The following ATR variants were observed in gnomAD, a reference collection of about 807,000 sequenced individuals.
The protein encoded by ATR is ATR checkpoint kinase.
ATR carries 142 observed loss-of-function variants against 305.3 expected under a neutral mutation model. The observed-to-expected ratio is 0.47, with a 90% CI of 0.41 to 0.53. ATR has a LOEUF of 0.53. ATR is among the 20% of genes least tolerant of loss of function. The pLI, the probability that ATR is intolerant of heterozygous loss-of-function variation, is 0.00. For missense variants in ATR, 2,135 were observed against 3,133.1 expected (o/e 0.68, Z 7.60); for synonymous variants, 1,050 against 1,068.1 (o/e 0.98, Z 0.33).
intron 36 of ATR, among the ~76,000 whole-genome samples, chr3:142,475,457 A>G (rs1577526142): frequency 6.6e-6 from 1 of 152,162 alleles, no homozygotes; most frequent in African/African-American, 2.4e-5. Flanking sequence ...ATAGTATTCC[A>G]TGGGGTATAT....
chr3:142,555,751 G>A (rs1177917212), intron 10 of ATR, 126 bp downstream of exon 10: 2 of 1,176,678 alleles, frequency 1.7e-6, no homozygotes, highest in East Asian at 2.4e-5. Flanking sequence ...AATCAATACT[G>A]AGCACTGAAT....
intron 36 of ATR, among the ~76,000 whole-genome samples, chr3:142,477,876 G>T (rs1270758593): frequency 1.3e-5 from 2 of 152,214 alleles, no homozygotes; most frequent in Non-Finnish European, 2.9e-5. Flanking sequence ...TAGCTTATTT[G>T]CATAGAGGTG....
In ATR at chr3:142,505,304, C is replaced by T. The variant is rs2108356259; in HGVS notation, c.5032-1G>A. ...GTTCATGCATAGCAGCATACAATTT[C>T]TTTGTTCAATGATTAAAAAACAATC... On this transcript the variant is annotated splice_acceptor_variant, in intron 28 of 46. Coordinates refer to ENST00000350721, the MANE Select transcript of ATR (RefSeq NM_001184.4). LOFTEE classifies it high-confidence loss of function. The T allele has an allele frequency of 6.2e-7, 1 of 1,613,414 alleles. No individual in the cohort carries two copies. Among genetic ancestry groups the T allele is most frequent in the Non-Finnish European group, 8.5e-7 (1 of 1,179,722 alleles).
At chr3:142,514,808 A>C (rs1162541208) in intron 25 of ATR, among the ~76,000 whole-genome samples, 1 of 23,160 alleles carries the variant, frequency 4.3e-5, no homozygotes, top group Non-Finnish European at 8.4e-5. Flanking sequence ...ACTCCGTCAC[A>C]AAAAAAAAAA....
chr3:142,471,375 A>G (rs1361322821), intron 36 of ATR, among the ~76,000 whole-genome samples: 1 of 152,176 alleles, frequency 6.6e-6, no homozygotes, highest in Non-Finnish European at 1.5e-5. Flanking sequence ...CACTGCTTTC[A>G]TGTTTTAGCT....
At chr3:142,514,746 T>C (rs2032779611) in intron 25 of ATR, among the ~76,000 whole-genome samples, 1 of 139,250 alleles carries the variant, frequency 7.2e-6, no homozygotes, top group Non-Finnish European at 1.5e-5. Context: ...GGCGGAGACT[T>C]ACAGTGAGCC....
At chr3:142,525,614 G>A (rs1204734514) in intron 21 of ATR, among the ~76,000 whole-genome samples, 6 of 152,168 alleles carry the variant, frequency 3.9e-5, no homozygotes, top group African/African-American at 1.4e-4. Context: ...TCTGGTGGCA[G>A]GTGTTTGGGT....
intron 36 of ATR, among the ~76,000 whole-genome samples, chr3:142,483,642 G>A (rs1025989377): frequency 6.6e-6 from 1 of 151,944 alleles, no homozygotes; most frequent in African/African-American, 2.4e-5. Flanking sequence ...TTCGAGACCA[G>A]CCTGACCAAC....
chr3:142,451,055 C>T (rs1328412991), intron 46 of ATR: 2 of 1,278,614 alleles, frequency 1.6e-6, no homozygotes, highest in South Asian at 1.4e-5. Context: ...ATCCCTGGAG[C>T]TCCAGGAAAA....
chr3:142,556,046 C>T lies in ATR; in HGVS notation c.2172G>A (p.Leu724=), dbSNP rs2034659815. The T allele has an allele frequency of 1.9e-6, 3 of 1,613,878 alleles. No individual in the cohort carries two copies. Among genetic ancestry groups the T allele is most frequent in the Admixed American group, 1.7e-5 (1 of 59,996 alleles). Residue 724 remains leucine, a synonymous_variant, in exon 10 of 47, where the codon CTG becomes CTA. Transcript: ENST00000350721. ...AGAAAGGTTCTGTTAAAGAACTTGT[C>T]AGATAAAACATGCCGTGAAGAGTAC... ...LVCTLHGMFY[L]TSSLTEPFSE...
chr3:142,460,566 C>A (rs2071003232), intron 42 of ATR, among the ~76,000 whole-genome samples: 1 of 152,114 alleles, frequency 6.6e-6, no homozygotes, highest in African/African-American at 2.4e-5. Flanking sequence ...CATTAGCCTT[C>A]AGAGAGATCA....
At chr3:142,533,708 T>C (rs561848188) in intron 21 of ATR, among the ~76,000 whole-genome samples, 1 of 152,280 alleles carries the variant, frequency 6.6e-6, no homozygotes, top group Admixed American at 6.5e-5. Flanking sequence ...TTATAGATGC[T>C]AAACTACATT....
Position 142,562,565 on chromosome 3 carries a change from G to T in ATR, c.837C>A (p.His279Gln). The T allele has an allele frequency of 6.2e-7, 1 of 1,613,896 alleles. No homozygotes were observed. Among genetic ancestry groups the T allele is most frequent in the South Asian group, 1.1e-5 (1 of 91,052 alleles). The change falls in exon 4 of 47, where the codon CAC (histidine) becomes CAA (glutamine). Residue 279 changes from histidine to glutamine, a missense_variant. His to Gln is a conservative substitution (Grantham distance 24). Coordinates refer to ENST00000350721, the MANE Select transcript of ATR (RefSeq NM_001184.4). ...ATTGGTCAGTATCCATTTCTACAAG[G>T]TGTTTTAATAATTCCAAAAATGAGC... ...FFSSFLELLK[H>Q]LVEMDTDQLK...
intron 36 of ATR, among the ~76,000 whole-genome samples, chr3:142,480,574 T>A (rs773913087): frequency 3.9e-5 from 6 of 152,232 alleles, no homozygotes; most frequent in Non-Finnish European, 7.3e-5. Context: ...TGCTCAGATC[T>A]CAAACTCCGT....
At chr3:142,490,399 T>C (rs1577558792) in intron 35 of ATR, among the ~76,000 whole-genome samples, 2 of 152,222 alleles carry the variant, frequency 1.3e-5, no homozygotes, top group Admixed American at 6.5e-5. Flanking sequence ...GGGTTCTCTA[T>C]AATTTAGCTA....
At chr3:142,549,727 T>A (rs2034406595) in intron 14 of ATR, 54 bp from the exon 15 acceptor site, 6 of 1,538,092 alleles carry the variant, frequency 3.9e-6, no homozygotes, top group Non-Finnish European at 5.4e-6. Flanking sequence ...GTGAAAAAAA[T>A]ATTCACATAA....
intron 2 of ATR, 53 bp from the exon 3 acceptor site, chr3:142,566,314 T>C (rs2108494885): frequency 1.3e-6 from 2 of 1,590,058 alleles, no homozygotes; most frequent in Non-Finnish European, 1.7e-6. Flanking sequence ...ACAATGGTCC[T>C]TTTGTTAAGA....
chr3:142,477,887 T>A (rs923728830), intron 36 of ATR, among the ~76,000 whole-genome samples: 1 of 152,214 alleles, frequency 6.6e-6, no homozygotes, highest in African/African-American at 2.4e-5. Flanking sequence ...CATAGAGGTG[T>A]TTATAGTATT....
chr3:142,450,760 A>G lies in ATR; in HGVS notation c.7762-1158T>C, dbSNP rs1333034626. 8 of 1,504,794 alleles carry G rather than the reference A, an allele frequency of 5.3e-6. No individual in the cohort carries two copies. In the Admixed American group the frequency reaches 1.2e-4, roughly 23 times the overall value. The allele number at this position is 1,504,794 out of a possible 1,614,324, so 93.2% of individuals were successfully genotyped here. ...GGTGCTGGCAGGTCTTCAGCACCCT[A>G]ATATCATTCGTTATCACACTGCGTG... On this transcript the variant is annotated intron_variant, in intron 46 of 46. Coordinates refer to ENST00000350721, the MANE Select transcript of ATR (RefSeq NM_001184.4).
Sources: gnomAD v4.1 joint callset for allele counts (sites outside exome capture counted in the v4.1 genomes callset) on GRCh38, gnomAD v4.1.1 for gene constraint, MANE v1.5 for transcripts, NCBI Gene and HGNC (gene_info 2026-07-23, HGNC 2026-07-21) for gene names.